The following DCDC1 variants were observed in gnomAD, a reference collection of about 807,000 sequenced individuals.
The protein encoded by DCDC1 is doublecortin domain containing 1.
A neutral mutation model predicts 178.3 loss-of-function variants in DCDC1; 200 were observed. The ratio of observed to expected loss-of-function variants is 1.12; its 90% CI spans 1.00 to 1.26. DCDC1 has a LOEUF of 1.26. Among genes scored for constraint, DCDC1 ranks in the 50% most tolerant of loss-of-function variants. The pLI, the probability that DCDC1 is intolerant of heterozygous loss-of-function variation, is 0.00. For missense variants in DCDC1, 1,983 were observed against 1,749.2 expected, an observed-to-expected ratio of 1.13 and a Z score of -2.38; for synonymous variants, 690 against 604.8, an observed-to-expected ratio of 1.14 and a Z score of -2.07.
chr11:31,241,022 T>C (rs1327572208), intron 9 of DCDC1, among the ~76,000 whole-genome samples: 1 of 151,986 alleles, frequency 6.6e-6, no homozygotes, highest in Non-Finnish European at 1.5e-5. Flanking sequence ...TGACATGAAG[T>C]TGATTCACGA....
chr11:31,245,495 C>A (rs1410500716), intron 8 of DCDC1, among the ~76,000 whole-genome samples: 2 of 151,550 alleles, frequency 1.3e-5, no homozygotes, highest in Admixed American at 1.3e-4. Context: ...TGAATATACC[C>A]GAATTTCAAA....
chr11:30,945,220 G>C lies in DCDC1; in HGVS notation c.2715+7225C>G, dbSNP rs1299142986. 2.0e-5 allele frequency among the ~76,000 whole-genome samples: 3 copies of C among 151,754 alleles called. No individual in the cohort carries two copies. In the East Asian group the frequency reaches 5.9e-4, roughly 30 times the overall value. ...CTGACCTCATGATCTGCCCGCCTCA[G>C]CCTCCCAAAGTGCTGGGATTATAGG... On this transcript the variant is annotated intron_variant, in intron 21 of 38. Transcript: ENST00000684477.
chr11:31,222,483 C>T (rs1013440339), intron 9 of DCDC1, among the ~76,000 whole-genome samples: 6 of 152,176 alleles, frequency 3.9e-5, no homozygotes, highest in African/African-American at 1.4e-4. Context: ...CACTCAGTTC[C>T]AAAGCCACTT....
chr11:30,985,811 C>T (rs1179445492), intron 20 of DCDC1, among the ~76,000 whole-genome samples: 1 of 152,076 alleles, frequency 6.6e-6, no homozygotes, highest in Non-Finnish European at 1.5e-5. Flanking sequence ...ACCATGAGAA[C>T]ATGGCAATCA....
intron 34 of DCDC1, among the ~76,000 whole-genome samples, chr11:30,898,788 T>C (rs1165635290): frequency 1.3e-5 from 2 of 152,210 alleles, no homozygotes; most frequent in Non-Finnish European, 2.9e-5. Flanking sequence ...CTGCTATTTA[T>C]TGAAGCAAGA....
rs528188443 is a variant in DCDC1 at position 31,177,184 on chromosome 11, A to T, written c.1222-39400T>A. Among the ~76,000 whole-genome samples the T allele has an allele frequency of 3.9e-5, 6 of 152,224 alleles. No homozygotes were observed. The South Asian group carries it at 1.2e-3, about 32-fold the overall frequency. On this transcript the variant is annotated intron_variant, in intron 9 of 38. Transcript: ENST00000684477. Reference sequence around the variant, plus strand: ...TTGGGAGGAGGGGGGAGTCTAGAATATTTTTATGAGACCAAAGGCGATTTG... The same window carrying T: ...TTGGGAGGAGGGGGGAGTCTAGAATTTTTTTATGAGACCAAAGGCGATTTG...
rs1042746291 is a variant in DCDC1 at position 30,931,907 on chromosome 11, G to T, written c.2761C>A (p.Pro921Thr). ...IQGLLVPSSPPMKKPICKTTE... is the reference protein window; with the variant it reads ...IQGLLVPSSPTMKKPICKTTE... ...GTCTTACAGATGGGTTTCTTCATGG[G>T]AGGACTGCTCGGAACAAGCAGTCCT... The change falls in exon 22 of 39, where the codon CCC (proline) becomes ACC (threonine). Residue 921 changes from proline (P) to threonine (T), a missense_variant. By Grantham distance (38) the Pro-to-Thr change is conservative. Coordinates refer to ENST00000684477, the MANE Select transcript of DCDC1 (RefSeq NM_001387274.1). The T allele has an allele frequency of 6.2e-7, 1 of 1,612,824 alleles. No individual in the cohort carries two copies.
chr11:31,061,564 A>T (rs1323849025), intron 20 of DCDC1, among the ~76,000 whole-genome samples: 1 of 152,026 alleles, frequency 6.6e-6, no homozygotes, highest in Non-Finnish European at 1.5e-5. Flanking sequence ...TTAAGAAAAA[A>T]AAGAAGAAGA....
rs148869549 is a variant in DCDC1, at chr11:31,305,670, G to A, written c.699C>T (p.Ala233=). The A allele has an allele frequency of 1.5e-5, 25 of 1,613,514 alleles. No homozygotes were observed. The highest frequency in any genetic ancestry group is 8.0e-5 in the African/African-American group (6 of 74,824). The part of the protein sequence containing the change: ...ALEPEDIPHE[A]DVYVSTGEPF... ...GCTCTCCCGTTGAAACATAAACATC[G>A]GCTTCATGGGGTATATCTTCAGGTT... The change falls in exon 6 of 39, where the codon GCC becomes GCT. Residue 233 remains alanine, a synonymous_variant. Transcript: ENST00000684477.
intron 4 of DCDC1, 131 bp from the exon 5 acceptor site, chr11:31,306,519 C>A (rs1437308825): frequency 2.2e-6 from 2 of 909,366 alleles, no homozygotes; most frequent in South Asian, 4.2e-5. Context: ...GTATACCTAA[C>A]AAAACTTTTT....
At chr11:31,305,866 T>C (rs770839344) in intron 5 of DCDC1, 89 bp from the exon 6 acceptor site, 17 of 1,445,696 alleles carry the variant, frequency 1.2e-5, no homozygotes, top group South Asian at 4.3e-5. Context: ...ATGATCAAAA[T>C]AGAAACCCAA....
chr11:31,033,058 G>A (rs1953766895), intron 20 of DCDC1, among the ~76,000 whole-genome samples: 1 of 151,954 alleles, frequency 6.6e-6, no homozygotes, highest in African/African-American at 2.4e-5. Context: ...GTTTAGAGAG[G>A]GGCAGTTTCA....
chr11:31,204,929 C>T (rs603595), intron 9 of DCDC1, among the ~76,000 whole-genome samples: 5,487 of 152,250 alleles, frequency 0.036, 125 homozygotes, highest in Middle Eastern at 0.15. Context: ...GTTGCAGACC[C>T]TTCAAATTCA....
chr11:30,916,827 A>G (rs1590352089), intron 26 of DCDC1, 43 bp downstream of exon 26: 1 of 1,544,230 alleles, frequency 6.5e-7, no homozygotes, highest in East Asian at 2.3e-5. Context: ...GAAAACTAAC[A>G]CTAGACAGAA....
Position 30,916,885 on chromosome 11 carries a change from G to A in DCDC1, c.3437C>T (p.Pro1146Leu), listed in dbSNP as rs757373596. 4 of 1,603,434 alleles carry A rather than the reference G, an allele frequency of 2.5e-6. No individual in the cohort carries two copies. The highest frequency in any genetic ancestry group is 1.7e-5 in the Admixed American group (1 of 58,174). Residue 1146 changes from proline to leucine, a missense_variant, in exon 26 of 39, where the codon CCA becomes CTA. Transcript: ENST00000684477. ...TEKGLFENVE[P>L]QKKHSCSPKH... ...AACTTTTTACCTGTGTTTCTTCTGTGGTTCCACATTTTCAAAGAGCCCTTT... is the reference window on the plus strand; with the variant it reads ...AACTTTTTACCTGTGTTTCTTCTGTAGTTCCACATTTTCAAAGAGCCCTTT...
intron 20 of DCDC1, among the ~76,000 whole-genome samples, chr11:30,987,078 A>G (rs1380970784): frequency 6.6e-6 from 1 of 152,178 alleles, no homozygotes; most frequent in Admixed American, 6.5e-5. Flanking sequence ...GTGCCGTAGC[A>G]TAATCTAGGC....
intron 8 of DCDC1, among the ~76,000 whole-genome samples, chr11:31,255,312 T>A (rs547597564): frequency 1.3e-5 from 2 of 152,288 alleles, no homozygotes; most frequent in East Asian, 3.9e-4. Context: ...TGCCTAAATA[T>A]CTAGGAGTGG....
Position 30,881,262 on chromosome 11 carries a change from C to G in DCDC1, c.5129G>C (p.Arg1710Thr), listed in dbSNP as rs1942638453. Residue 1710 changes from arginine to threonine, a missense_variant, in exon 37 of 39, where the codon AGA (arginine) becomes ACA (threonine). Transcript: ENST00000684477. ...SSRLKMTHPA[R>T]ALYTPSGEPI... The stretch of plus-strand genomic sequence containing the variant: ...CTCTCCACTGGGGGTGTACAGTGCT[C>G]TAGCTGGGTGGGTCATTTTGAGACG... The G allele has an allele frequency of 1.2e-6, 2 of 1,613,376 alleles. No homozygotes were observed. The highest frequency in any genetic ancestry group is 2.7e-5 in the African/African-American group (2 of 74,894).
intron 6 of DCDC1, among the ~76,000 whole-genome samples, chr11:31,301,133 TATAGAA>T (rs1348828376): frequency 6.6e-6 from 1 of 152,212 alleles, no homozygotes; most frequent in East Asian, 1.9e-4. Flanking sequence ...TACCCTCACT[TATAGAA>T]ATAGAAGAAT....
Sources: gnomAD v4.1 joint callset for allele counts (sites outside exome capture counted in the v4.1 genomes callset) on GRCh38, gnomAD v4.1.1 for gene constraint, MANE v1.5 for transcripts, NCBI Gene and HGNC (gene_info 2026-07-23, HGNC 2026-07-21) for gene names.